SLC26A5: variants seen among roughly 807,000 people sequenced by gnomAD.
SLC26A5 encodes the protein prestin.
SLC26A5 carries 51 observed loss-of-function variants against 81.0 expected under a neutral mutation model. The observed-to-expected ratio is 0.63, with a 90% CI of 0.50 to 0.80. SLC26A5 has a LOEUF of 0.80. Ranked by LOEUF, SLC26A5 falls within the 30% of genes least tolerant of loss-of-function variation. The pLI is 0.00. For missense variants in SLC26A5, 771 were observed against 905.8 expected (o/e 0.85, Z 1.91); for synonymous variants, 325 against 332.8 (o/e 0.98, Z 0.25).
intron 9 of SLC26A5, among the ~76,000 whole-genome samples, chr7:103,395,520 T>TATATATA (rs1823031478): frequency 1.5e-4 from 1 of 6,656 alleles, no homozygotes; most frequent in Non-Finnish European, 5.6e-4. Context: ...TATATATATA[T>TATATATA]AAATTTTTTT....
At position 103,413,014 on chromosome 7, in the gene SLC26A5, G is replaced by T. The variant is rs759057968; in HGVS notation, c.391C>A (p.His131Asn). Residue 131 changes from histidine (H) to asparagine (N), a missense_variant, in exon 5 of 20, where the codon CAC becomes AAC. Transcript: ENST00000306312. ...IMYCFLGTSR[H>N]ISIGPFAVIS... is the part of the protein sequence containing the mutation. ...TGTAAGCTTTTACCTATGGATATGT[G>T]TCTGGAGGTTCCAAGAAAACAATAC... 1.2e-6 allele frequency: 2 copies of T among 1,605,256 alleles called. No individual in the cohort carries two copies. The highest frequency in any genetic ancestry group is 3.3e-5 in the Admixed American group (2 of 59,996).
chr7:103,364,981 A>ATATATATATATATATATATATATATATT (rs950613120), intron 19 of SLC26A5, among the ~76,000 whole-genome samples: 125 of 140,668 alleles, frequency 8.9e-4, no homozygotes, highest in Non-Finnish European at 1.5e-3. Flanking sequence ...ATATATATAT[A>ATATATATATATATATATATATATATATT]TATTTAGAGA....
At position 103,374,310 on chromosome 7, in the gene SLC26A5, A is replaced by G; in HGVS notation, c.*89T>C. ...CTGGACTACTAGTATTCACCCTTAG[A>G]AAAAAAAATCTAGCGTCTAGTATTT... On this transcript the variant is annotated 3_prime_UTR_variant, in exon 20 of 20. Coordinates refer to ENST00000306312, the MANE Select transcript of SLC26A5 (RefSeq NM_198999.3). 6.4e-7 allele frequency: 1 copy of G among 1,550,776 alleles called. No homozygotes were observed. Among genetic ancestry groups the G allele is most frequent in the Admixed American group, 2.0e-5 (1 of 50,862 alleles).
intron 14 of SLC26A5, among the ~76,000 whole-genome samples, chr7:103,381,776 C>T (rs552060497): frequency 6.6e-6 from 1 of 151,808 alleles, no homozygotes; most frequent in East Asian, 1.9e-4. Context: ...CACACACACA[C>T]ACCCATATAC....
chr7:103,377,837 C>T, intron 17 of SLC26A5, 38 bp from the exon 18 acceptor site: 1 of 1,582,388 alleles, frequency 6.3e-7, no homozygotes, highest in Non-Finnish European at 8.7e-7. Flanking sequence ...ATTTTATGAA[C>T]AACTCACATT....
At chr7:103,406,311 T>C (rs1425209539) in intron 8 of SLC26A5, among the ~76,000 whole-genome samples, 1 of 152,130 alleles carries the variant, frequency 6.6e-6, no homozygotes, top group Non-Finnish European at 1.5e-5. Context: ...CTTGGTGGTG[T>C]AGGCACCCAG....
intron 19 of SLC26A5, chr7:103,354,864 C>G (rs946564752): frequency 1.9e-6 from 3 of 1,602,096 alleles, no homozygotes; most frequent in Non-Finnish European, 2.6e-6. Context: ...CCTTCATCAC[C>G]TAGGGTCAGA....
rs200405423 is a variant in SLC26A5, at chr7:103,407,878, C to T, written c.861G>A (p.Pro287=). The T allele has an allele frequency of 6.2e-5, 100 of 1,614,094 alleles. No individual in the cohort carries two copies. Among genetic ancestry groups the T allele is most frequent in the Non-Finnish European group, 8.1e-5 (96 of 1,180,010 alleles). The stretch of plus-strand genomic sequence containing the variant: ...CAAAGAACTCTAAAGGAATAGGCGC[C>T]GGCAATTTCTCTTTAAATCTCTCAT... ...EFNERFKEKL[P]APIPLEFFAV... is the part of the protein sequence containing the mutation. Residue 287 remains proline (P), a synonymous_variant, in exon 8 of 20, where the codon CCG becomes CCA. Coordinates refer to ENST00000306312, the MANE Select transcript of SLC26A5 (RefSeq NM_198999.3).
At chr7:103,378,589 T>C (rs1821534657) in intron 16 of SLC26A5, 36 bp from the exon 17 acceptor site, 2 of 1,591,060 alleles carry the variant, frequency 1.3e-6, no homozygotes, top group East Asian at 2.2e-5. Flanking sequence ...AATCACTTCA[T>C]GGCTCTCAGG....
At position 103,379,241 on chromosome 7, in the gene SLC26A5, A is replaced by G. The variant is rs923086820; in HGVS notation, c.1677+2T>C. The G allele has an allele frequency of 6.2e-7, 1 of 1,600,062 alleles. No individual in the cohort carries two copies. The highest frequency in any genetic ancestry group is 1.3e-5 in the African/African-American group (1 of 74,648). ...AGAAATAATCAATTTCTCATGACTC[A>G]CCTTTCGTTTTAATGCATTGCTATA... On this transcript the variant is annotated splice_donor_variant, in intron 16 of 19. Transcript: ENST00000306312. LOFTEE classifies it high-confidence loss of function.
At chr7:103,360,003 C>T (rs188642637) in intron 19 of SLC26A5, among the ~76,000 whole-genome samples, 7 of 151,616 alleles carry the variant, frequency 4.6e-5, no homozygotes, top group Admixed American at 3.9e-4. Context: ...ATTGCTCGAA[C>T]GTGGGAGGCG....
intron 1 of SLC26A5, among the ~76,000 whole-genome samples, chr7:103,444,622 G>T (rs149937354): frequency 2.9e-4 from 44 of 152,282 alleles, no homozygotes; most frequent in African/African-American, 1.1e-3. Flanking sequence ...AATTCTTTTG[G>T]TTTCACTCAT....
intron 14 of SLC26A5, among the ~76,000 whole-genome samples, chr7:103,383,227 G>C (rs528532761): frequency 1.3e-3 from 204 of 152,346 alleles, no homozygotes; most frequent in Non-Finnish European, 2.5e-3. Flanking sequence ...CTGTCCATGT[G>C]TTGCAATCCA....
At chr7:103,355,312 G>C (rs1819968514) in intron 19 of SLC26A5, among the ~76,000 whole-genome samples, 1 of 152,168 alleles carries the variant, frequency 6.6e-6, no homozygotes, top group Non-Finnish European at 1.5e-5. Flanking sequence ...GAACTTTTTG[G>C]GGGGAACTTG....
intron 2 of SLC26A5, among the ~76,000 whole-genome samples, chr7:103,435,272 T>C (rs1826369223): frequency 1.3e-5 from 2 of 152,372 alleles, no homozygotes; most frequent in Non-Finnish European, 1.5e-5. Context: ...CGATTTTCTT[T>C]TCCCTGAATG....
At chr7:103,376,458 C>G (rs1821359025) in intron 19 of SLC26A5, among the ~76,000 whole-genome samples, 1 of 152,162 alleles carries the variant, frequency 6.6e-6, no homozygotes. Context: ...GAGAAACAAG[C>G]AACCTGAATG....
At chr7:103,382,346 CTTTTTTT>C (rs755840628) in intron 14 of SLC26A5, among the ~76,000 whole-genome samples, 16 of 114,340 alleles carry the variant, frequency 1.4e-4, no homozygotes, top group African/African-American at 4.5e-4. Context: ...GCCCTATTTC[CTTTTTTT>C]TTTTTTTTTT....
chr7:103,374,507 T>C lies in SLC26A5; in HGVS notation c.2127A>G (p.Ala709=). ...WELLFHSIHD[A]VLGSQLREAL... ...CCTCTCTAAGTTGGCTGCCTAAAAC[T>C]GCATCATGAATGCTGTGGAACAGCA... is the stretch of plus-strand genomic sequence containing the variant. Residue 709 remains alanine (A), a synonymous_variant, in exon 20 of 20, where the codon GCA becomes GCG. Coordinates refer to ENST00000306312, the MANE Select transcript of SLC26A5 (RefSeq NM_198999.3). 1 of 1,613,932 alleles carries C rather than the reference T, an allele frequency of 6.2e-7. No homozygotes were observed. Among genetic ancestry groups the C allele is most frequent in the South Asian group, 1.1e-5 (1 of 91,056 alleles).
At chr7:103,432,640 C>G (rs2190419) in intron 2 of SLC26A5, among the ~76,000 whole-genome samples, 76,505 of 151,842 alleles carry the variant, frequency 0.5, 22,050 homozygotes, top group African/African-American at 0.79. Context: ...TAACACACTT[C>G]TGATCTTGTT....
Sources: allele counts gnomAD v4.1 joint callset (sites outside exome capture counted in the v4.1 genomes callset), GRCh38; gene constraint gnomAD v4.1.1; transcripts MANE v1.5; gene names NCBI Gene and HGNC (gene_info 2026-07-23, HGNC 2026-07-21).